HECTD4: variants seen among roughly 807,000 people sequenced by gnomAD.
The protein encoded by HECTD4 is HECT domain E3 ubiquitin protein ligase 4, also known as probable E3 ubiquitin-protein ligase HECTD4.
A neutral mutation model predicts 471.5 loss-of-function variants in HECTD4; 114 were observed. That is an observed-to-expected ratio of 0.24 (90% CI 0.21 to 0.28). The LOEUF is 0.28. Among genes scored for constraint, HECTD4 ranks in the 10% least tolerant of loss-of-function variants. The pLI is 1.00. For missense variants in HECTD4, 3,866 were observed against 5,651.5 expected (o/e 0.68, Z 10.13); for synonymous variants, 2,012 against 2,256.0 (o/e 0.89, Z 3.07).
At chr12:112,296,360 C>T (rs1380658043) in intron 7 of HECTD4, among the ~76,000 whole-genome samples, 1 of 144,920 alleles carries the variant, frequency 6.9e-6, no homozygotes, top group Admixed American at 6.9e-5. Flanking sequence ...GGTATAGGCG[C>T]AGCAAGTGGT....
chr12:112,233,739 A>G (rs1316095841), intron 37 of HECTD4, among the ~76,000 whole-genome samples: 1 of 152,168 alleles, frequency 6.6e-6, no homozygotes, highest in East Asian at 1.9e-4. Flanking sequence ...CTAAACCCCA[A>G]GGAGAGGGAA....
intron 67 of HECTD4, among the ~76,000 whole-genome samples, chr12:112,171,846 C>T (rs545457355): frequency 1.7e-4 from 26 of 152,272 alleles, no homozygotes; most frequent in Non-Finnish European, 2.6e-4. Flanking sequence ...ATGAACTGCT[C>T]GCCAATACCT....
rs1220037653 is a variant in HECTD4 at position 112,179,142 on chromosome 12, C to T, written c.11211+32G>A. ...GTTCGCCCTGCAGGGCACCCAAGGC[C>T]CGGCCTGGGTATGGTGGGGACGGGC... is the stretch of plus-strand genomic sequence containing the variant. On this transcript the variant is annotated intron_variant, in intron 63 of 75. Coordinates refer to ENST00000682272, the MANE Select transcript of HECTD4 (RefSeq NM_001388303.1). This position sits in a 1 kb window ranked among gnomAD's most constrained non-coding sequence, Gnocchi z 4.3. The T allele has an allele frequency of 6.2e-7, 1 of 1,613,328 alleles. No individual in the cohort carries two copies. Among genetic ancestry groups the T allele is most frequent in the Non-Finnish European group, 8.5e-7 (1 of 1,179,712 alleles).
intron 70 of HECTD4, 104 bp downstream of exon 70, chr12:112,169,399 G>A: frequency 8.0e-7 from 1 of 1,256,946 alleles, no homozygotes; most frequent in Non-Finnish European, 1.1e-6. Context: ...AAGTGCTGAG[G>A]ATGTGGCTTT....
At position 112,163,583 on chromosome 12, in the gene HECTD4, G is replaced by A; in HGVS notation, c.12856C>T (p.Arg4286Cys). ...TTGATGTAGGGGAGGCCGCAGGTGC[G>A]CAGCTCCATCTCCAGTGGGCTGAGC... ...TMLSPLEMEL[R>C]TCGLPYINLE... is the part of the protein sequence containing the mutation. Residue 4286 changes from arginine (R) to cysteine (C), a missense_variant, in exon 74 of 76, where the codon CGC (arginine) becomes TGC (cysteine). By Grantham distance (180) the Arg-to-Cys change is radical (BLOSUM62 -3). Coordinates refer to ENST00000682272, the MANE Select transcript of HECTD4 (RefSeq NM_001388303.1). The surrounding 1 kb of genome is among the most constrained non-coding windows in gnomAD (Gnocchi z 8.2). 2 of 1,512,360 alleles carry A rather than the reference G, an allele frequency of 1.3e-6. No homozygotes were observed. The highest frequency in any genetic ancestry group is 1.8e-6 in the Non-Finnish European group (2 of 1,130,502). 93.7% of individuals were successfully genotyped at this position (1,512,360 alleles called of 1,614,324 possible).
intron 11 of HECTD4, among the ~76,000 whole-genome samples, chr12:112,272,941 T>G (rs1244248621): frequency 6.6e-6 from 1 of 152,216 alleles, no homozygotes; most frequent in African/African-American, 2.4e-5. Flanking sequence ...AAGCTTGAGG[T>G]GGTCAGCATA....
intron 9 of HECTD4, 111 bp from the exon 10 acceptor site, chr12:112,275,071 G>T: frequency 1.5e-6 from 1 of 650,758 alleles, no homozygotes; most frequent in Non-Finnish European, 2.6e-6. Flanking sequence ...TCTTGTTGTT[G>T]TGTATTGGTG....
chr12:112,339,321 A>T (rs2036014128), intron 1 of HECTD4, among the ~76,000 whole-genome samples: 1 of 151,412 alleles, frequency 6.6e-6, no homozygotes, highest in Non-Finnish European at 1.5e-5. Context: ...AAGAAAATGC[A>T]AGTCACAAAA....
At chr12:112,297,328 G>C (rs2035061064) in intron 7 of HECTD4, among the ~76,000 whole-genome samples, 1 of 151,604 alleles carries the variant, frequency 6.6e-6, no homozygotes, top group Non-Finnish European at 1.5e-5. Flanking sequence ...GGTGCAGAGG[G>C]TGTAAATGCA....
chr12:112,363,992 C>CAAAAAAAAAAAAAAAAAAAAAAAAAAA (rs1175386198), intron 1 of HECTD4, among the ~76,000 whole-genome samples: 1 of 52,872 alleles, frequency 1.9e-5, no homozygotes, highest in African/African-American at 7.4e-5. Flanking sequence ...ACTCAATCTC[C>CAAAAAAAAAAAAAAAAAAAAAAAAAAA]AAAAAAAAAA....
At chr12:112,233,781 C>T (rs2033439671) in intron 37 of HECTD4, among the ~76,000 whole-genome samples, 1 of 152,002 alleles carries the variant, frequency 6.6e-6, no homozygotes, top group Non-Finnish European at 1.5e-5. Flanking sequence ...GATCCCTTGG[C>T]GAATGACATC....
chr12:112,160,205 A>T lies in HECTD4; in HGVS notation c.*2182T>A, dbSNP rs2030644894. 6.6e-6 allele frequency: 1 copy of T among 152,332 alleles called. No homozygotes were observed. Among genetic ancestry groups the T allele is most frequent in the South Asian group, 2.1e-4 (1 of 4,832 alleles). 9.4% of individuals were successfully genotyped at this position (152,332 alleles called of 1,614,324 possible). ...TGCCAAGAGACCATAATAATTAGAA[A>T]CACTTTAATTCCTAGCCACTTGGCA... On this transcript the variant is annotated 3_prime_UTR_variant, in exon 76 of 76. Transcript: ENST00000682272.
chr12:112,376,037 T>A (rs929709326), intron 1 of HECTD4, among the ~76,000 whole-genome samples: 4 of 151,596 alleles, frequency 2.6e-5, no homozygotes, highest in African/African-American at 9.7e-5. Context: ...GATACAGCCA[T>A]TGCACCCTAG....
intron 1 of HECTD4, among the ~76,000 whole-genome samples, chr12:112,369,833 T>C (rs1213113075): frequency 6.6e-6 from 1 of 152,156 alleles, no homozygotes; most frequent in African/African-American, 2.4e-5. Context: ...ATCTCAGGTG[T>C]GCATGAGCAG....
chr12:112,216,621 T>C (rs78981890), intron 47 of HECTD4, among the ~76,000 whole-genome samples, 152 bp downstream of exon 47: 1 of 152,218 alleles, frequency 6.6e-6, no homozygotes, highest in Non-Finnish European at 1.5e-5. Context: ...ATCTTACTAA[T>C]GTGCACTGGA....
chr12:112,331,841 C>T (rs907167887), intron 1 of HECTD4, among the ~76,000 whole-genome samples: 6 of 152,148 alleles, frequency 3.9e-5, no homozygotes, highest in African/African-American at 1.4e-4. Context: ...CAGTAGAATT[C>T]CAGTGTCAGG....
intron 1 of HECTD4, among the ~76,000 whole-genome samples, chr12:112,365,281 G>A (rs1485162282): frequency 6.6e-6 from 1 of 152,138 alleles, no homozygotes; most frequent in Non-Finnish European, 1.5e-5. Context: ...GGGTGTGGTG[G>A]CATATGCCTA....
intron 7 of HECTD4, among the ~76,000 whole-genome samples, chr12:112,300,784 G>C (rs1256666972): frequency 1.6e-4 from 24 of 151,808 alleles, no homozygotes; most frequent in Non-Finnish European, 1.2e-4. Context: ...AATTTTTGTA[G>C]AGGTGGCATC....
At position 112,292,054 on chromosome 12, in the gene HECTD4, C is replaced by T. The variant is rs535412419; in HGVS notation, c.1336-8752G>A. On this transcript the variant is annotated intron_variant, in intron 7 of 75. Coordinates refer to ENST00000682272, the MANE Select transcript of HECTD4 (RefSeq NM_001388303.1). Reference sequence around the variant, plus strand: ...ACGATCCCATCACTTTCCTGCTCAACAATTTCCAGGAGTCTCCCATCTCAC... The same window carrying T: ...ACGATCCCATCACTTTCCTGCTCAATAATTTCCAGGAGTCTCCCATCTCAC... Among the ~76,000 whole-genome samples, 3 of 152,288 alleles carry T rather than the reference C, an allele frequency of 2.0e-5. No individual in the cohort carries two copies. The East Asian group carries it at 5.8e-4, about 29-fold the overall frequency.
Sources: allele counts gnomAD v4.1 joint callset (sites outside exome capture counted in the v4.1 genomes callset), GRCh38; gene constraint gnomAD v4.1.1; non-coding constraint Gnocchi (gnomAD v3.1); transcripts MANE v1.5; gene names NCBI Gene and HGNC (gene_info 2026-07-23, HGNC 2026-07-21).